FSHR: variants seen among roughly 807,000 people sequenced by gnomAD.
FSHR encodes the protein follicle stimulating hormone receptor.
In FSHR, 46 loss-of-function variants were observed where a neutral mutation model predicts 52.1. The observed-to-expected ratio is 0.88, with a 90% CI of 0.70 to 1.13. The LOEUF is 1.13. FSHR is among the 50% of genes most tolerant of loss of function. FSHR has a pLI of 0.00. For synonymous variants in FSHR, 399 were observed against 309.6 expected, an observed-to-expected ratio of 1.29 and a Z score of -3.03; for missense variants, 964 against 834.6, an observed-to-expected ratio of 1.16 and a Z score of -1.91.
At chr2:49,143,552 G>A (rs1672765582) in intron 1 of FSHR, among the ~76,000 whole-genome samples, 1 of 152,052 alleles carries the variant, frequency 6.6e-6, no homozygotes, top group Non-Finnish European at 1.5e-5. Context: ...GGGTAGAAAT[G>A]GCATATTAAA....
intron 1 of FSHR, among the ~76,000 whole-genome samples, chr2:49,078,658 A>T (rs1230236702): frequency 6.6e-6 from 1 of 152,178 alleles, no homozygotes; most frequent in Non-Finnish European, 1.5e-5. Context: ...CTTAATAAAC[A>T]TAGAAAATGT....
rs3082696 is a variant in FSHR, at chr2:49,020,507, ATTT to A, written c.225-350_225-348del. 2.0e-3 allele frequency among the ~76,000 whole-genome samples: 292 copies of A among 146,928 alleles called. 1 individual carries two copies. Among genetic ancestry groups the A allele is most frequent in the Admixed American group, 4.9e-3 (72 of 14,740 alleles). ...TTCCCTAGACCACGGGTCAGTAAAC[ATTT>A]TTTTTTTTTTTTTACAGGGCTAGAT... is the stretch of plus-strand genomic sequence containing the variant. On this transcript the variant is annotated intron_variant, in intron 2 of 9. Transcript: ENST00000406846.
At chr2:48,971,756 A>C (rs1217175708) in intron 8 of FSHR, among the ~76,000 whole-genome samples, 1 of 152,056 alleles carries the variant, frequency 6.6e-6, no homozygotes, top group Non-Finnish European at 1.5e-5. Context: ...TTTGCCTTTT[A>C]TATGTTTGAT....
At chr2:49,106,868 C>A (rs1050649556) in intron 1 of FSHR, among the ~76,000 whole-genome samples, 3 of 152,308 alleles carry the variant, frequency 2.0e-5, no homozygotes, top group African/African-American at 7.2e-5. Context: ...CAGCTCTCTG[C>A]AGCTCTGTGG....
intron 1 of FSHR, among the ~76,000 whole-genome samples, chr2:49,109,058 C>G (rs1671335517): frequency 6.6e-6 from 1 of 152,078 alleles, no homozygotes; most frequent in South Asian, 2.1e-4. Flanking sequence ...GCAAATCTGC[C>G]TGGGATTCTG....
At chr2:49,060,095 A>G (rs1669228501) in intron 2 of FSHR, among the ~76,000 whole-genome samples, 1 of 152,204 alleles carries the variant, frequency 6.6e-6, no homozygotes, top group Admixed American at 6.5e-5. Context: ...ACATATATGG[A>G]AAAATGCTCC....
At chr2:49,073,663 A>C (rs1431792571) in intron 1 of FSHR, among the ~76,000 whole-genome samples, 2 of 152,144 alleles carry the variant, frequency 1.3e-5, no homozygotes, top group African/African-American at 4.8e-5. Context: ...TCAAAATGGC[A>C]ATGACATTCT....
intron 1 of FSHR, among the ~76,000 whole-genome samples, chr2:49,131,842 A>G (rs185689118): frequency 6.6e-6 from 1 of 152,250 alleles, no homozygotes; most frequent in Admixed American, 6.5e-5. Context: ...TTACTACCAT[A>G]TATTTAAATC....
At chr2:49,016,318 C>A (rs1333067627) in intron 4 of FSHR, among the ~76,000 whole-genome samples, 1 of 152,162 alleles carries the variant, frequency 6.6e-6, no homozygotes, top group Admixed American at 6.6e-5. Flanking sequence ...TGCAGCTTTT[C>A]CCATCAAGAA....
At chr2:49,056,256 T>C (rs1669058399) in intron 2 of FSHR, among the ~76,000 whole-genome samples, 1 of 151,590 alleles carries the variant, frequency 6.6e-6, no homozygotes, top group Non-Finnish European at 1.5e-5. Context: ...ACTTTACCTG[T>C]AAAGACACAT....
chr2:48,962,620 G>A lies in FSHR; in HGVS notation c.*113C>T. 1 of 1,102,528 alleles carries A rather than the reference G, an allele frequency of 9.1e-7. No homozygotes were observed. The highest frequency in any genetic ancestry group is 1.4e-6 in the Non-Finnish European group (1 of 738,540). The allele number at this position is 1,102,528 out of a possible 1,614,324, so 68.3% of individuals were successfully genotyped here. On this transcript the variant is annotated 3_prime_UTR_variant, in exon 10 of 10. Transcript: ENST00000406846. ...ACCAATTTACCTTAAAGGTATGCCA[G>A]GAATATTAAATTAGATGAAATGTGT...
chr2:48,963,575 G>C lies in FSHR; in HGVS notation c.1246C>G (p.Leu416Val). The change falls in exon 10 of 10, where the codon CTG becomes GTG. Residue 416 changes from leucine (L) to valine (V), a missense_variant. Physicochemically the swap from Leu to Val is conservative, Grantham distance 32. Transcript: ENST00000406846. The stretch of plus-strand genomic sequence containing the variant: ...TGGATATCAACTGATGCAATGAGCA[G>C]CAGGTAGATTCCAATGCAGAGATCA... ...FADLCIGIYL[L>V]LIASVDIHTK... 3.1e-6 allele frequency: 5 copies of C among 1,614,200 alleles called. No homozygotes were observed. The highest frequency in any genetic ancestry group is 4.2e-6 in the Non-Finnish European group (5 of 1,180,034).
At chr2:49,127,784 C>T (rs993664953) in intron 1 of FSHR, among the ~76,000 whole-genome samples, 1 of 50,252 alleles carries the variant, frequency 2.0e-5, no homozygotes, top group Non-Finnish European at 3.6e-5. Context: ...TCTTCTTCTT[C>T]TTCTTCTTCT....
chr2:49,095,861 A>G (rs891884003), intron 1 of FSHR, among the ~76,000 whole-genome samples: 1 of 152,198 alleles, frequency 6.6e-6, no homozygotes, highest in Admixed American at 6.5e-5. Context: ...ACATATGAAA[A>G]GATGCTCAAT....
intron 2 of FSHR, among the ~76,000 whole-genome samples, chr2:49,065,328 C>T (rs1312646005): frequency 6.6e-6 from 1 of 151,986 alleles, no homozygotes; most frequent in Non-Finnish European, 1.5e-5. Flanking sequence ...AAGCTTCATA[C>T]AGTAGGTTAT....
At chr2:49,049,327 T>C (rs1668771305) in intron 2 of FSHR, among the ~76,000 whole-genome samples, 3 of 152,112 alleles carry the variant, frequency 2.0e-5, no homozygotes, top group Admixed American at 2.0e-4. Context: ...TTGTAAAAGA[T>C]AGATAAGATG....
intron 2 of FSHR, among the ~76,000 whole-genome samples, chr2:49,065,467 T>A (rs1443424917): frequency 6.6e-6 from 1 of 152,098 alleles, no homozygotes; most frequent in African/African-American, 2.4e-5. Context: ...AGAATGCACC[T>A]GAGTCAAGGG....
At chr2:49,014,497 C>G (rs1388552279) in intron 4 of FSHR, among the ~76,000 whole-genome samples, 2 of 152,128 alleles carry the variant, frequency 1.3e-5, no homozygotes, top group African/African-American at 4.8e-5. Context: ...CTCCCTTCCT[C>G]TGTCTGGAGC....
At chr2:49,007,618 T>G (rs1322840847) in intron 4 of FSHR, among the ~76,000 whole-genome samples, 1 of 152,120 alleles carries the variant, frequency 6.6e-6, no homozygotes, top group East Asian at 1.9e-4. Flanking sequence ...CTTTTGTCTT[T>G]TGAGAAACAT....
Sources: allele counts gnomAD v4.1 joint callset (sites outside exome capture counted in the v4.1 genomes callset), GRCh38; gene constraint gnomAD v4.1.1; transcripts MANE v1.5; gene names NCBI Gene and HGNC (gene_info 2026-07-23, HGNC 2026-07-21).